The following FRMD4B variants were observed in gnomAD, a reference collection of about 807,000 sequenced individuals.
FRMD4B encodes FERM domain-containing protein 4B.
A neutral mutation model predicts 141.5 loss-of-function variants in FRMD4B; 74 were observed. The ratio of observed to expected loss-of-function variants is 0.52; its 90% CI spans 0.43 to 0.63. The LOEUF is 0.63. Ranked by LOEUF, FRMD4B falls within the 30% of genes least tolerant of loss-of-function variation. FRMD4B has a pLI of 0.00. For missense variants in FRMD4B, 1,366 were observed against 1,253.4 expected (o/e 1.09, Z -1.36); for synonymous variants, 506 against 467.9 (o/e 1.08, Z -1.05).
At chr3:69,420,347 CAT>C (rs1414818671) in intron 2 of FRMD4B, among the ~76,000 whole-genome samples, 10 of 148,406 alleles carry the variant, frequency 6.7e-5, no homozygotes, top group Admixed American at 6.0e-4. Context: ...ATGGAACAAT[CAT>C]ATGTCTCAGG....
chr3:69,381,025 T>C (rs1704105864), intron 1 of FRMD4B, among the ~76,000 whole-genome samples: 1 of 152,252 alleles, frequency 6.6e-6, no homozygotes, highest in South Asian at 2.1e-4. Flanking sequence ...ATATGGCTGA[T>C]GAATCAGCTT....
chr3:69,323,419 A>T (rs543431555), intron 1 of FRMD4B, among the ~76,000 whole-genome samples: 227 of 151,764 alleles, frequency 1.5e-3, no homozygotes, highest in African/African-American at 5.1e-3. Flanking sequence ...ATACAAAAAA[A>T]TTAGCTCGGC....
intron 7 of FRMD4B, among the ~76,000 whole-genome samples, chr3:69,248,383 G>A (rs2093439396): frequency 6.6e-6 from 1 of 152,182 alleles, no homozygotes; most frequent in African/African-American, 2.4e-5. Flanking sequence ...TGAGGAGAGT[G>A]TTGGGAGTTT....
intron 1 of FRMD4B, among the ~76,000 whole-genome samples, chr3:69,357,381 T>C (rs68061967): frequency 0.29 from 43,738 of 152,128 alleles, 7,624 homozygotes; most frequent in East Asian, 0.6. Flanking sequence ...GGGAGCCCTG[T>C]TTAGGAGTCC....
intron 1 of FRMD4B, among the ~76,000 whole-genome samples, chr3:69,512,141 C>T (rs373565224): frequency 2.0e-5 from 3 of 152,174 alleles, no homozygotes; most frequent in South Asian, 2.1e-4. Context: ...TAAGCAAGGA[C>T]CAGATAAAAA....
Position 69,211,474 on chromosome 3 carries a change from G to A in FRMD4B, c.876+4789C>T, listed in dbSNP as rs1247225062. Among the ~76,000 whole-genome samples, 4 of 152,262 alleles carry A rather than the reference G, an allele frequency of 2.6e-5. No individual in the cohort carries two copies. In the South Asian group the frequency reaches 8.3e-4, roughly 32 times the overall value. On this transcript the variant is annotated intron_variant, in intron 11 of 22. Coordinates refer to ENST00000398540, the MANE Select transcript of FRMD4B (RefSeq NM_015123.3). Reference sequence around the variant, plus strand: ...TGAAGAGCATCTGCTGGATGCCCTGGGAGGTCAAACAAATACCTCCCTGCC... The same window carrying A: ...TGAAGAGCATCTGCTGGATGCCCTGAGAGGTCAAACAAATACCTCCCTGCC...
chr3:69,279,781 T>TTCTCCTCCTCCCCTCCTCCC (rs2093636219), intron 5 of FRMD4B, among the ~76,000 whole-genome samples: 1 of 72,338 alleles, frequency 1.4e-5, no homozygotes, highest in African/African-American at 5.5e-5. Context: ...CCCCTCCTCC[T>TTCTCCTCCTCCCCTCCTCCC]CTCCTCCTCC....
chr3:69,378,120 C>T (rs1445030282), intron 1 of FRMD4B, among the ~76,000 whole-genome samples: 6 of 151,892 alleles, frequency 4.0e-5, no homozygotes, highest in African/African-American at 1.5e-4. Context: ...AATCCTACTT[C>T]TTTTTTATTC....
Position 69,169,046 on chromosome 3 carries a change from T to TA in FRMD4B, c.*2814dup. 6.6e-6 allele frequency among the ~76,000 whole-genome samples: 1 copy of TA among 150,786 alleles called. No individual in the cohort carries two copies. On this transcript the variant is annotated 3_prime_UTR_variant, in exon 23 of 23. Coordinates refer to ENST00000398540, the MANE Select transcript of FRMD4B (RefSeq NM_015123.3). ...ACTGTACTTGTAATATGCTGGACTT[T>TA]AAAAAAATTACTATATGCATAGAAA... is the stretch of plus-strand genomic sequence containing the variant.
intron 19 of FRMD4B, among the ~76,000 whole-genome samples, chr3:69,186,300 G>C (rs2092767052): frequency 6.9e-6 from 1 of 144,006 alleles, no homozygotes; most frequent in Non-Finnish European, 1.5e-5. Flanking sequence ...GGCTGGGGTG[G>C]AGTGACATGA....
chr3:69,485,053 A>T (rs1706191470), intron 1 of FRMD4B, among the ~76,000 whole-genome samples: 1 of 152,088 alleles, frequency 6.6e-6, no homozygotes, highest in African/African-American at 2.4e-5. Flanking sequence ...GCTGGCACCA[A>T]GGTGCACCTG....
upstream of FRMD4B, among the ~76,000 whole-genome samples, chr3:69,386,456 A>AC (rs1411434717): frequency 2.0e-5 from 3 of 150,020 alleles, no homozygotes; most frequent in Admixed American, 1.3e-4. Context: ...ACAGACACAC[A>AC]CCCCCCACAC....
intron 6 of FRMD4B, among the ~76,000 whole-genome samples, 155 bp downstream of exon 6, chr3:69,249,888 C>T (rs2093450090): frequency 6.6e-6 from 1 of 152,160 alleles, no homozygotes; most frequent in African/African-American, 2.4e-5. Flanking sequence ...TATTCTAAAG[C>T]AGAAGACGGT....
At chr3:69,244,611 C>T (rs993033221) in intron 7 of FRMD4B, among the ~76,000 whole-genome samples, 17 of 150,612 alleles carry the variant, frequency 1.1e-4, no homozygotes, top group South Asian at 2.1e-4. Flanking sequence ...TCAGCCTGGG[C>T]GACAGAGCGA....
chr3:69,182,627 G>T lies in FRMD4B; in HGVS notation c.2010C>A (p.Thr670=). ...AGTGGCTGCTGCTGTAGGCGTTTCG[G>T]GTAAGAACTGGCGTGGTGGGCATGC... ...GRSMPTTPVL[T]RNAYSSSHLE... is the part of the protein sequence containing the mutation. Residue 670 remains threonine, a synonymous_variant, in exon 20 of 23, where the codon ACC becomes ACA. Transcript: ENST00000398540. The T allele has an allele frequency of 1.9e-6, 3 of 1,613,290 alleles. No homozygotes were observed. Among genetic ancestry groups the T allele is most frequent in the Non-Finnish European group, 2.5e-6 (3 of 1,179,688 alleles).
intron 2 of FRMD4B, among the ~76,000 whole-genome samples, chr3:69,399,047 GA>G (rs1281932663): frequency 6.6e-6 from 1 of 151,428 alleles, no homozygotes; most frequent in Non-Finnish European, 1.5e-5. Context: ...TTTAAAGAAA[GA>G]AAAAAAATTA....
chr3:69,456,782 C>T (rs1705622640), intron 1 of FRMD4B, among the ~76,000 whole-genome samples: 1 of 150,722 alleles, frequency 6.6e-6, no homozygotes, highest in East Asian at 1.9e-4. Context: ...GTGCTTTCCT[C>T]TAGATGGGGT....
intron 3 of FRMD4B, chr3:69,306,627 C>T (rs948756482): frequency 1.3e-5 from 2 of 152,238 alleles, no homozygotes; most frequent in African/African-American, 4.8e-5. Context: ...AATGCTATCC[C>T]TCTCCCAGTA....
At chr3:69,333,756 CTT>C (rs765460692) in intron 1 of FRMD4B, among the ~76,000 whole-genome samples, 53 of 152,236 alleles carry the variant, frequency 3.5e-4, no homozygotes, top group Non-Finnish European at 6.3e-4. Context: ...CATCCATTGT[CTT>C]GTTTGCTTTC....
Sources: allele counts gnomAD v4.1 joint callset (sites outside exome capture counted in the v4.1 genomes callset), GRCh38; gene constraint gnomAD v4.1.1; transcripts MANE v1.5; gene names NCBI Gene and HGNC (gene_info 2026-07-23, HGNC 2026-07-21).